The following TUSC3 variants were observed in gnomAD, a reference collection of about 807,000 sequenced individuals.
TUSC3 encodes dolichyl-diphosphooligosaccharide--protein glycosyltransferase subunit TUSC3.
In TUSC3, 45 loss-of-function variants were observed where a neutral mutation model predicts 44.8. The ratio of observed to expected loss-of-function variants is 1.00; its 90% CI spans 0.79 to 1.29. The LOEUF (loss-of-function observed/expected upper bound fraction) is 1.29. Ranked by LOEUF, TUSC3 falls within the 50% of genes most tolerant of loss-of-function variation. The pLI is 0.00. For synonymous variants in TUSC3, 212 were observed against 152.9 expected (o/e 1.39, Z -2.85); for missense variants, 519 against 437.9 (o/e 1.19, Z -1.65).
chr8:15,712,267 G>A (rs190774433), intron 6 of TUSC3, among the ~76,000 whole-genome samples: 25 of 151,886 alleles, frequency 1.6e-4, no homozygotes, highest in Non-Finnish European at 3.4e-4. Context: ...TAATGCTTTT[G>A]TTCAGAGTAC....
At chr8:15,741,126 TTGTG>T (rs893503674) in intron 7 of TUSC3, among the ~76,000 whole-genome samples, 2 of 111,112 alleles carry the variant, frequency 1.8e-5, no homozygotes, top group Admixed American at 1.0e-4. Flanking sequence ...GTTCATGGCT[TTGTG>T]TGTGTATAAA....
intron 1 of TUSC3, among the ~76,000 whole-genome samples, chr8:15,558,891 C>G (rs577581695): frequency 2.0e-4 from 30 of 151,510 alleles, no homozygotes; most frequent in African/African-American, 7.2e-4. Context: ...TTCGATTCTT[C>G]TCTTTTTCTT....
At chr8:15,594,401 A>G (rs1585135368) in intron 1 of TUSC3, among the ~76,000 whole-genome samples, 3 of 152,050 alleles carry the variant, frequency 2.0e-5, no homozygotes, top group Admixed American at 6.5e-5. Context: ...TTTTCCTATC[A>G]TGGAATGTAT....
intron 2 of TUSC3, among the ~76,000 whole-genome samples, chr8:15,493,818 C>A (rs1281365817): frequency 2.0e-5 from 3 of 152,168 alleles, no homozygotes. Flanking sequence ...CCAATTATAA[C>A]CTTTCCGATT....
At chr8:15,470,117 G>A (rs189085453) in intron 1 of TUSC3, among the ~76,000 whole-genome samples, 15 of 146,264 alleles carry the variant, frequency 1.0e-4, no homozygotes, top group Non-Finnish European at 2.3e-4. Context: ...AAAAAAAAAA[G>A]CTAAAAATTA....
intron 1 of TUSC3, among the ~76,000 whole-genome samples, chr8:15,573,650 G>C (rs1802977345): frequency 1.3e-5 from 2 of 151,978 alleles, no homozygotes; most frequent in South Asian, 4.2e-4. Flanking sequence ...TGAACCCTCA[G>C]ACTTTTAAAG....
At chr8:15,671,004 G>A (rs370108473) in intron 5 of TUSC3, among the ~76,000 whole-genome samples, 2 of 152,016 alleles carry the variant, frequency 1.3e-5, no homozygotes, top group South Asian at 4.1e-4. Flanking sequence ...AGAAGATCCA[G>A]AATGAACACA....
At chr8:15,797,502 T>C in the TUSC3 span, among the ~76,000 whole-genome samples, 3 of 152,148 alleles carry the variant, frequency 2.0e-5, no homozygotes, top group Non-Finnish European at 4.4e-5. Flanking sequence ...TCAGTTACTT[T>C]TGCTAGAGGA....
chr8:15,710,394 A>T (rs549076788), intron 6 of TUSC3, among the ~76,000 whole-genome samples: 4 of 151,788 alleles, frequency 2.6e-5, no homozygotes, highest in African/African-American at 4.8e-5. Flanking sequence ...GCCTCGTGCT[A>T]TTTAAGCCTA....
At chr8:15,466,829 A>G (rs1563258692) in intron 1 of TUSC3, among the ~76,000 whole-genome samples, 1 of 152,064 alleles carries the variant, frequency 6.6e-6, no homozygotes, top group Non-Finnish European at 1.5e-5. Context: ...GTTGTGATGG[A>G]GAGTATGATT....
chr8:15,418,447 C>T lies in TUSC3; in HGVS notation n.91+1142C>T, dbSNP rs113644829. 5.0e-3 allele frequency among the ~76,000 whole-genome samples: 767 copies of T among 152,260 alleles called. 3 individuals are homozygous for T. The highest frequency in any genetic ancestry group is 6.2e-3 in the Non-Finnish European group (424 of 68,034). The stretch of plus-strand genomic sequence containing the variant: ...ACTTCAAACAGTATTTCTCAAACTA[C>T]TGCTACTTGTGAAACGTTTATTTTA... On this transcript the variant is annotated intron_variant and non_coding_transcript_variant, in intron 1 of 5. Coordinates refer to the TUSC3 transcript ENST00000503191.
At chr8:15,816,370 G>A in the TUSC3 span, among the ~76,000 whole-genome samples, 1 of 152,174 alleles carries the variant, frequency 6.6e-6, no homozygotes, top group African/African-American at 2.4e-5. Flanking sequence ...GGCAATGTAG[G>A]CATTTTCACT....
the TUSC3 span, among the ~76,000 whole-genome samples, chr8:15,834,291 C>A: frequency 6.6e-6 from 1 of 152,090 alleles, no homozygotes; most frequent in Middle Eastern, 3.4e-3. Context: ...CCTAGGTTTT[C>A]CAAACAAAAT....
At chr8:15,464,292 G>C (rs1188666219) in intron 1 of TUSC3, among the ~76,000 whole-genome samples, 1 of 152,146 alleles carries the variant, frequency 6.6e-6, no homozygotes, top group Admixed American at 6.6e-5. Flanking sequence ...ATGAAACAAG[G>C]ATGAATCCAA....
chr8:15,438,305 A>G (rs1799977566), intron 1 of TUSC3, among the ~76,000 whole-genome samples: 1 of 152,100 alleles, frequency 6.6e-6, no homozygotes, highest in Non-Finnish European at 1.5e-5. Flanking sequence ...CATGTTGGTC[A>G]GGCTAGTCTC....
At chr8:15,651,042 G>T in intron 3 of TUSC3, 1 of 502,774 alleles carries the variant, frequency 2.0e-6, no homozygotes. Context: ...TCATTCAATA[G>T]GTTAGTAAAT....
chr8:15,705,876 C>T (rs914381229), intron 6 of TUSC3, among the ~76,000 whole-genome samples: 2 of 152,010 alleles, frequency 1.3e-5, no homozygotes, highest in African/African-American at 4.8e-5. Context: ...AAAACTGTGC[C>T]GCCTTTCCTG....
At chr8:15,639,588 T>A (rs1340847160) in intron 2 of TUSC3, among the ~76,000 whole-genome samples, 2 of 152,222 alleles carry the variant, frequency 1.3e-5, no homozygotes, top group Non-Finnish European at 2.9e-5. Context: ...ACTTTCTGCA[T>A]TTTTATATCT....
rs528198444 is a variant in TUSC3, at chr8:15,466,367, C to T, written n.92-17019C>T. Among the ~76,000 whole-genome samples the T allele has an allele frequency of 2.3e-4, 35 of 152,258 alleles. 1 individual carries two copies. The Middle Eastern group carries it at 0.02, about 89-fold the overall frequency. ...AGAACCTTAATACTCAAAGCAATTA[C>T]ATGACTTTCTATACCTTAGAACCTA... On this transcript the variant is annotated intron_variant and non_coding_transcript_variant, in intron 1 of 5. Coordinates refer to the TUSC3 transcript ENST00000503191.
Sources: allele counts gnomAD v4.1 joint callset (sites outside exome capture counted in the v4.1 genomes callset), GRCh38; gene constraint gnomAD v4.1.1; transcripts MANE v1.5; gene names NCBI Gene and HGNC (gene_info 2026-07-23, HGNC 2026-07-21).